Variants in VAC14 observed in about 807,000 individuals in gnomAD.
VAC14 encodes protein VAC14 homolog.
In VAC14, 47 loss-of-function variants were observed where a neutral mutation model predicts 85.3. That is an observed-to-expected ratio of 0.55 (90% CI 0.44 to 0.70). The LOEUF (loss-of-function observed/expected upper bound fraction) is 0.70, where lower values mean the gene tolerates loss of function less well. Ranked by LOEUF, VAC14 falls within the 30% of genes least tolerant of loss-of-function variation. The pLI, the probability that VAC14 is intolerant of heterozygous loss-of-function variation, is 0.00. For missense variants in VAC14, 861 were observed against 1,004.3 expected, an observed-to-expected ratio of 0.86 and a Z score of 1.93; for synonymous variants, 447 against 430.5, an observed-to-expected ratio of 1.04 and a Z score of -0.47.
intron 14 of VAC14, among the ~76,000 whole-genome samples, chr16:70,720,417 G>C (rs548197534): frequency 6.6e-6 from 1 of 152,340 alleles, no homozygotes; most frequent in East Asian, 1.9e-4. Context: ...GACGAGGAAA[G>C]AAGACACATC....
chr16:70,785,775 A>G lies in VAC14; in HGVS notation c.350T>C (p.Leu117Pro). ...CCGGGCCACCTTGACGATGTTGTAG[A>G]GGGCCTCGCAGGCATAGTAGCGCAG... is the stretch of plus-strand genomic sequence containing the variant. ...SRLRYYACEA[L>P]YNIVKVARGA... The change falls in exon 3 of 19, where the codon CTC becomes CCC. Residue 117 changes from leucine to proline, a missense_variant. Coordinates refer to ENST00000261776, the MANE Select transcript of VAC14 (RefSeq NM_018052.5). 6.3e-7 allele frequency: 1 copy of G among 1,586,800 alleles called. No homozygotes were observed. Among genetic ancestry groups the G allele is most frequent in the Non-Finnish European group, 8.6e-7 (1 of 1,164,936 alleles).
intron 14 of VAC14, among the ~76,000 whole-genome samples, chr16:70,720,139 T>C (rs891119317): frequency 3.9e-5 from 6 of 152,162 alleles, no homozygotes; most frequent in Non-Finnish European, 7.4e-5. Flanking sequence ...CCAGGCAAGA[T>C]GAACCTCTTG....
chr16:70,703,751 C>G (rs1016964478), intron 14 of VAC14, among the ~76,000 whole-genome samples: 1 of 152,198 alleles, frequency 6.6e-6, no homozygotes, highest in Non-Finnish European at 1.5e-5. Flanking sequence ...CCCAGGCGCT[C>G]TCAAAAGAGC....
intron 13 of VAC14, among the ~76,000 whole-genome samples, chr16:70,732,141 G>A (rs1284919553): frequency 6.6e-6 from 1 of 152,200 alleles, no homozygotes; most frequent in African/African-American, 2.4e-5. Flanking sequence ...CCCACAAGAG[G>A]CAAAAGCCAA....
At chr16:70,780,209 G>A (rs1209899753) in intron 9 of VAC14, among the ~76,000 whole-genome samples, 1 of 152,062 alleles carries the variant, frequency 6.6e-6, no homozygotes, top group Non-Finnish European at 1.5e-5. Flanking sequence ...TATGTTAGAG[G>A]AGTCTGAAAG....
chr16:70,746,807 C>T (rs2030932923), intron 12 of VAC14, among the ~76,000 whole-genome samples: 1 of 152,102 alleles, frequency 6.6e-6, no homozygotes, highest in Non-Finnish European at 1.5e-5. Flanking sequence ...CCATGCACAC[C>T]AATGCTTGCT....
intron 10 of VAC14, among the ~76,000 whole-genome samples, chr16:70,765,560 T>A (rs1014451555): frequency 6.6e-6 from 1 of 152,226 alleles, no homozygotes; most frequent in East Asian, 1.9e-4. Flanking sequence ...AGCACACAGA[T>A]AGGAAGTCAC....
intron 1 of VAC14, among the ~76,000 whole-genome samples, chr16:70,797,848 G>A (rs567182911): frequency 1.3e-5 from 2 of 152,244 alleles, no homozygotes; most frequent in Admixed American, 6.5e-5. Flanking sequence ...TCCTGCTCCC[G>A]CCATGTGGGA....
chr16:70,800,756 C>T (rs2034758904), intron 1 of VAC14, 41 bp downstream of exon 1: 1 of 1,570,718 alleles, frequency 6.4e-7, no homozygotes, highest in East Asian at 2.3e-5. Context: ...GCAGAGCAGT[C>T]AGGGGCTGCA....
At chr16:70,794,722 C>T (rs967669831) in intron 1 of VAC14, among the ~76,000 whole-genome samples, 2 of 152,218 alleles carry the variant, frequency 1.3e-5, no homozygotes, top group Admixed American at 6.5e-5. Flanking sequence ...AACAGGTCTG[C>T]GTGTAGGTCA....
At chr16:70,789,712 T>C (rs1452640606) in intron 1 of VAC14, among the ~76,000 whole-genome samples, 1 of 152,204 alleles carries the variant, frequency 6.6e-6, no homozygotes, top group Non-Finnish European at 1.5e-5. Flanking sequence ...TGAAAACACT[T>C]ATTTTCCTAA....
chr16:70,799,043 G>A (rs983125003), intron 1 of VAC14, among the ~76,000 whole-genome samples: 2 of 152,218 alleles, frequency 1.3e-5, no homozygotes, highest in Admixed American at 1.3e-4. Flanking sequence ...TTACAGAACT[G>A]TGTGCAGAGT....
At chr16:70,766,289 T>C (rs1208154831) in intron 10 of VAC14, among the ~76,000 whole-genome samples, 4 of 152,216 alleles carry the variant, frequency 2.6e-5, no homozygotes, top group African/African-American at 2.4e-5. Context: ...CTGAGCTCTG[T>C]GGCTCACAGT....
At chr16:70,753,011 G>GGGGT (rs1486481327) in intron 12 of VAC14, among the ~76,000 whole-genome samples, 3 of 143,066 alleles carry the variant, frequency 2.1e-5, no homozygotes, top group South Asian at 2.2e-4. Flanking sequence ...AGGAGGAGGG[G>GGGGT]GTGTGTGTGT....
At chr16:70,695,500 G>C in intron 17 of VAC14, 44 bp downstream of exon 17, 1 of 1,605,542 alleles carries the variant, frequency 6.2e-7, no homozygotes, top group Non-Finnish European at 8.5e-7. Context: ...CTCCAGGGCA[G>C]CCTTGGACTC....
rs1378811380 is a variant in VAC14 at position 70,687,749 on chromosome 16, G to A, written c.*179C>T. 2 of 607,202 alleles carry A rather than the reference G, an allele frequency of 3.3e-6. No individual in the cohort carries two copies. Among genetic ancestry groups the A allele is most frequent in the Non-Finnish European group, 4.8e-6 (2 of 412,566 alleles). The allele number at this position is 607,202 out of a possible 1,614,324, so 37.6% of individuals were successfully genotyped here. On this transcript the variant is annotated 3_prime_UTR_variant, in exon 19 of 19. Coordinates refer to ENST00000261776, the MANE Select transcript of VAC14 (RefSeq NM_018052.5). Reference sequence around the variant, plus strand: ...GTGCAGCTGACAGCGCTGGAGGCCTGGGGACTGGACTCTGAGAGGAGCTTG... The same window carrying A: ...GTGCAGCTGACAGCGCTGGAGGCCTAGGGACTGGACTCTGAGAGGAGCTTG...
intron 18 of VAC14, among the ~76,000 whole-genome samples, chr16:70,692,552 AC>A (rs1266560380): frequency 6.6e-6 from 1 of 152,100 alleles, no homozygotes; most frequent in Non-Finnish European, 1.5e-5. Flanking sequence ...GCATAGCCTC[AC>A]TGAGCTGGAC....
chr16:70,691,610 G>A (rs2053597493), intron 18 of VAC14: 1 of 985,388 alleles, frequency 1.0e-6, no homozygotes, highest in African/African-American at 1.7e-5. Context: ...CTGAGCAGCT[G>A]GGGTGGCAAC....
At chr16:70,760,962 GGTGT>G (rs10671938) in intron 12 of VAC14, among the ~76,000 whole-genome samples, 2,217 of 47,354 alleles carry the variant, frequency 0.047, 66 homozygotes, top group Non-Finnish European at 0.052. Flanking sequence ...ACGAAGAGAG[GGTGT>G]GTGTGTGTGT....
Sources: allele counts gnomAD v4.1 joint callset (sites outside exome capture counted in the v4.1 genomes callset), GRCh38; gene constraint gnomAD v4.1.1; transcripts MANE v1.5; gene names NCBI Gene and HGNC (gene_info 2026-07-23, HGNC 2026-07-21).